Variants in PTK2 observed in about 807,000 individuals in gnomAD.
PTK2 encodes focal adhesion kinase 1.
A neutral mutation model predicts 150.1 loss-of-function variants in PTK2; 45 were observed. The ratio of observed to expected loss-of-function variants is 0.30; its 90% CI spans 0.24 to 0.38. The LOEUF is 0.38. PTK2 is among the 10% of genes least tolerant of loss of function. PTK2 has a pLI of 1.00. For synonymous variants in PTK2, 432 were observed against 449.2 expected, an observed-to-expected ratio of 0.96 and a Z score of 0.48; for missense variants, 919 against 1,307.3, an observed-to-expected ratio of 0.70 and a Z score of 4.58.
chr8:140,816,349 A>G (rs541471127), intron 10 of PTK2, among the ~76,000 whole-genome samples: 1 of 152,224 alleles, frequency 6.6e-6, no homozygotes, highest in South Asian at 2.1e-4. Context: ...CAATATCAAA[A>G]AAAAAGCACT....
At chr8:140,912,555 GAAT>G (rs2100163624) in intron 2 of PTK2, among the ~76,000 whole-genome samples, 1 of 151,804 alleles carries the variant, frequency 6.6e-6, no homozygotes, top group Non-Finnish European at 1.5e-5. Flanking sequence ...ATGAGCAACT[GAAT>G]AGATGCAGAA....
At chr8:140,879,692 A>AAAAAAAAC (rs1568061470) in intron 3 of PTK2, 55 bp from the exon 4 acceptor site, 1 of 1,270,012 alleles carries the variant, frequency 7.9e-7, no homozygotes, top group Non-Finnish European at 1.0e-6. Context: ...AAAAAAAAAA[A>AAAAAAAAC]AAAAAAAAAC....
In PTK2 at chr8:140,776,141, T is replaced by A. The variant is rs532930434; in HGVS notation, c.1178-11851A>T. 1.9e-4 allele frequency among the ~76,000 whole-genome samples: 29 copies of A among 152,308 alleles called. 1 individual carries two copies. In the Middle Eastern group the frequency reaches 0.014, roughly 71 times the overall value. On this transcript the variant is annotated intron_variant, in intron 14 of 31. Coordinates refer to ENST00000522684, the Ensembl canonical transcript of PTK2. Reference sequence around the variant, plus strand: ...GCCTAAGCCTCCCCAGTGGCTGGGATTACAGGCATCCGCCACCACACCTGG... The same window carrying A: ...GCCTAAGCCTCCCCAGTGGCTGGGAATACAGGCATCCGCCACCACACCTGG...
rs1179292894 is a variant in PTK2 at position 140,818,733 on chromosome 8, T to C, written c.789+147A>G. ...CACATTAATTATTTTCTTTTTCTAT[T>C]TTTCACATGGTAAAATGAAAAAATA... On this transcript the variant is annotated intron_variant, in intron 9 of 31. Transcript: ENST00000522684. 7 of 950,824 alleles carry C rather than the reference T, an allele frequency of 7.4e-6. No individual in the cohort carries two copies. The African/African-American group carries it at 1.2e-4, about 16-fold the overall frequency. 58.9% of individuals were successfully genotyped at this position (950,824 alleles called of 1,614,324 possible).
intron 17 of PTK2, among the ~76,000 whole-genome samples, chr8:140,751,498 C>CT (rs562902470): frequency 2.4e-3 from 344 of 144,970 alleles, no homozygotes; most frequent in East Asian, 0.01. Flanking sequence ...TTCTTTCTTT[C>CT]TTTTTTTTTT....
chr8:140,690,244 G>A (rs892728589), intron 26 of PTK2, among the ~76,000 whole-genome samples: 3 of 152,104 alleles, frequency 2.0e-5, no homozygotes. Context: ...GAGCCACCGC[G>A]CCAGGCCAAC....
intron 4 of PTK2, among the ~76,000 whole-genome samples, chr8:140,873,880 C>A (rs117969008): frequency 6.6e-6 from 1 of 152,182 alleles, no homozygotes. Context: ...ATATCTTTTG[C>A]GGAATGTCCT....
intron 27 of PTK2, among the ~76,000 whole-genome samples, chr8:140,684,754 G>A (rs913801360): frequency 2.0e-5 from 3 of 152,164 alleles, no homozygotes; most frequent in Non-Finnish European, 2.9e-5. Flanking sequence ...TGGATAGGAA[G>A]AACTGATATT....
intron 13 of PTK2, 99 bp downstream of exon 13, chr8:140,793,255 T>C (rs2100089582): frequency 5.2e-6 from 7 of 1,341,034 alleles, no homozygotes; most frequent in Admixed American, 4.6e-5. Flanking sequence ...ATCATGTATA[T>C]TGAATTTAAT....
Position 140,659,688 on chromosome 8 carries a change from A to C in PTK2, c.2947-10T>G. On this transcript the variant is annotated splice_polypyrimidine_tract_variant and intron_variant, in intron 31 of 31. Coordinates refer to ENST00000522684, the Ensembl canonical transcript of PTK2. ...TCTGTGCCATCTCAATCTGAAAGAC[A>C]AGAGATAGGTCAGGAGAACTGTTTT... 4 of 1,608,300 alleles carry C rather than the reference A, an allele frequency of 2.5e-6. No individual in the cohort carries two copies. Among genetic ancestry groups the C allele is most frequent in the Non-Finnish European group, 2.6e-6 (3 of 1,175,342 alleles).
intron 1 of PTK2, among the ~76,000 whole-genome samples, chr8:140,943,704 G>T (rs2100176672): frequency 6.6e-6 from 1 of 152,102 alleles, no homozygotes; most frequent in African/African-American, 2.4e-5. Context: ...AAGCAGGAGA[G>T]TACTAACTGT....
At chr8:140,804,715 C>T (rs944619960) in intron 10 of PTK2, among the ~76,000 whole-genome samples, 2 of 152,182 alleles carry the variant, frequency 1.3e-5, no homozygotes, top group African/African-American at 4.8e-5. Context: ...GCCACTAGAA[C>T]GGAGTTGGAA....
At chr8:140,892,723 A>G (rs1261779769) in intron 2 of PTK2, 3 of 353,332 alleles carry the variant, frequency 8.5e-6, no homozygotes, top group Non-Finnish European at 1.6e-5. Context: ...AGAAAAACAT[A>G]TGTACCATGT....
rs1399621480 is a variant in PTK2, at chr8:140,838,238, TG to T, written c.594-7713del. Among the ~76,000 whole-genome samples the T allele has an allele frequency of 8.5e-5, 13 of 152,366 alleles. No individual in the cohort carries two copies. In the South Asian group the frequency reaches 2.3e-3, roughly 27 times the overall value. ...AACTAATAAGAAACAAGCAGTATTC[TG>T]TATTCATGTATAATTCCTTTCTGTA... On this transcript the variant is annotated intron_variant, in intron 7 of 31. Transcript: ENST00000522684.
chr8:140,927,940 G>GA (rs779534564), intron 1 of PTK2, among the ~76,000 whole-genome samples: 6,552 of 36,038 alleles, frequency 0.18, 321 homozygotes, highest in Non-Finnish European at 0.21. Flanking sequence ...ATCTCAAAAA[G>GA]AAAAAAAAAA....
chr8:140,807,534 G>C (rs1173554030), intron 10 of PTK2, among the ~76,000 whole-genome samples: 1 of 152,194 alleles, frequency 6.6e-6, no homozygotes, highest in East Asian at 1.9e-4. Context: ...TTGAGAAGGA[G>C]AATCTGAGAT....
chr8:140,825,998 T>C (rs1567088197), intron 8 of PTK2, among the ~76,000 whole-genome samples: 1 of 152,220 alleles, frequency 6.6e-6, no homozygotes, highest in South Asian at 2.1e-4. Flanking sequence ...GCATAAAACA[T>C]AGCTAATCCA....
At chr8:140,775,753 C>G (rs1254576063) in intron 14 of PTK2, among the ~76,000 whole-genome samples, 1 of 152,138 alleles carries the variant, frequency 6.6e-6, no homozygotes, top group Admixed American at 6.5e-5. Flanking sequence ...AGGGCTCCAA[C>G]TTGAAGTCAG....
chr8:140,729,499 TAAGAA>T (rs1397835194), intron 22 of PTK2, among the ~76,000 whole-genome samples: 1 of 152,174 alleles, frequency 6.6e-6, no homozygotes, highest in African/African-American at 2.4e-5. Flanking sequence ...GTAAAACCAG[TAAGAA>T]AATACTTTGA....
Sources: allele counts gnomAD v4.1 joint callset (sites outside exome capture counted in the v4.1 genomes callset), GRCh38; gene constraint gnomAD v4.1.1; transcripts MANE v1.5; gene names NCBI Gene and HGNC (gene_info 2026-07-23, HGNC 2026-07-21).